Variants in SNTG1 observed in about 807,000 individuals in gnomAD.
SNTG1 encodes the protein syntrophin gamma 1, also known as gamma-1-syntrophin.
In SNTG1, 39 loss-of-function variants were observed where a neutral mutation model predicts 74.7. The observed-to-expected ratio is 0.52, with a 90% CI of 0.40 to 0.68. The LOEUF (loss-of-function observed/expected upper bound fraction) is 0.68, where lower values mean the gene tolerates loss of function less well. Among genes scored for constraint, SNTG1 ranks in the 30% least tolerant of loss-of-function variants. The pLI is 0.00. For missense variants in SNTG1, 685 were observed against 609.5 expected, an observed-to-expected ratio of 1.12 and a Z score of -1.30; for synonymous variants, 254 against 217.1, an observed-to-expected ratio of 1.17 and a Z score of -1.49.
chr8:49,934,425 T>C (rs1807878305), intron 1 of SNTG1, among the ~76,000 whole-genome samples: 1 of 152,116 alleles, frequency 6.6e-6, no homozygotes, highest in African/African-American at 2.4e-5. Context: ...TATAATAGAA[T>C]GGTATTTTCA....
At chr8:50,747,471 G>A (rs188999442) in intron 17 of SNTG1, among the ~76,000 whole-genome samples, 7 of 151,940 alleles carry the variant, frequency 4.6e-5, no homozygotes, top group South Asian at 2.1e-4. Flanking sequence ...AAAAATTGGC[G>A]TATAAAAATT....
chr8:50,079,406 G>T (rs1299289456), intron 1 of SNTG1, among the ~76,000 whole-genome samples: 12 of 139,842 alleles, frequency 8.6e-5, no homozygotes, highest in Non-Finnish European at 1.7e-4. Flanking sequence ...TGATGGGGTT[G>T]TTTGTTTTTT....
intron 1 of SNTG1, among the ~76,000 whole-genome samples, chr8:49,986,270 T>C (rs1813143202): frequency 6.6e-6 from 1 of 152,172 alleles, no homozygotes. Flanking sequence ...TCCACTTTCC[T>C]GATAAAGGAT....
chr8:50,016,815 G>A (rs1252290605), intron 1 of SNTG1, among the ~76,000 whole-genome samples: 1 of 152,040 alleles, frequency 6.6e-6, no homozygotes, highest in Non-Finnish European at 1.5e-5. Context: ...ATTTATTTAA[G>A]AATGTATTCC....
At chr8:50,361,355 T>C (rs1050436045) in intron 2 of SNTG1, among the ~76,000 whole-genome samples, 5 of 152,202 alleles carry the variant, frequency 3.3e-5, no homozygotes, top group African/African-American at 9.7e-5. Flanking sequence ...GAAGCTCTTC[T>C]TGAGGAGGAG....
intron 1 of SNTG1, among the ~76,000 whole-genome samples, chr8:50,160,495 A>C (rs1355863661): frequency 1.3e-5 from 2 of 152,184 alleles, no homozygotes; most frequent in Non-Finnish European, 2.9e-5. Flanking sequence ...ACTTAGAAGC[A>C]TGGACATTCT....
chr8:50,763,890 CACACACACACACACACAA>C (rs767038210), intron 18 of SNTG1, among the ~76,000 whole-genome samples: 3,151 of 118,932 alleles, frequency 0.026, 163 homozygotes, highest in African/African-American at 0.12. Context: ...CACACACACA[CACACACACACACACACAA>C]AAATAACCAA....
At chr8:50,415,499 G>A (rs1481570716) in intron 4 of SNTG1, among the ~76,000 whole-genome samples, 1 of 151,830 alleles carries the variant, frequency 6.6e-6, no homozygotes, top group East Asian at 1.9e-4. Flanking sequence ...AAGATTTTTG[G>A]TTAAAATTTC....
chr8:50,194,831 C>T (rs28784070), intron 2 of SNTG1, among the ~76,000 whole-genome samples: 4,022 of 152,044 alleles, frequency 0.026, 205 homozygotes, highest in African/African-American at 0.09. Flanking sequence ...CTTGGCACCG[C>T]CTTTGCATTA....
intron 2 of SNTG1, among the ~76,000 whole-genome samples, chr8:50,378,051 G>A (rs938435729): frequency 6.6e-6 from 1 of 152,238 alleles, no homozygotes; most frequent in African/African-American, 2.4e-5. Flanking sequence ...CTGGCAGGCT[G>A]TGCTTGGCTC....
chr8:50,678,279 A>G (rs113465705), intron 15 of SNTG1, among the ~76,000 whole-genome samples: 153 of 152,192 alleles, frequency 1.0e-3, no homozygotes, highest in African/African-American at 3.5e-3. Context: ...CATATTTTAA[A>G]TAATTGAATT....
intron 4 of SNTG1, among the ~76,000 whole-genome samples, chr8:50,407,462 A>G (rs1055808991): frequency 5.9e-5 from 9 of 152,138 alleles, no homozygotes; most frequent in African/African-American, 2.2e-4. Context: ...ATGAAGCTCC[A>G]CTCTGCTGAA....
intron 1 of SNTG1, among the ~76,000 whole-genome samples, chr8:50,108,372 A>C (rs942175375): frequency 6.6e-6 from 1 of 152,186 alleles, no homozygotes; most frequent in Admixed American, 6.6e-5. Flanking sequence ...AGGCAGGTCA[A>C]AGGTTGATGT....
At chr8:50,423,869 C>T (rs1056916591) in intron 4 of SNTG1, among the ~76,000 whole-genome samples, 19 of 152,140 alleles carry the variant, frequency 1.2e-4, no homozygotes, top group African/African-American at 4.1e-4. Context: ...TGCCTGACAT[C>T]GCGTTAGGGA....
chr8:50,548,234 G>A (rs978712084), intron 11 of SNTG1, among the ~76,000 whole-genome samples: 2 of 152,196 alleles, frequency 1.3e-5, no homozygotes, highest in African/African-American at 2.4e-5. Flanking sequence ...ACAGTGACAG[G>A]AAATTCTAAA....
chr8:49,961,878 A>C (rs1044453414), intron 1 of SNTG1, among the ~76,000 whole-genome samples: 4 of 152,324 alleles, frequency 2.6e-5, no homozygotes, highest in Non-Finnish European at 5.9e-5. Context: ...AGTACTATCA[A>C]GTCACCTCTT....
At chr8:50,538,382 C>T (rs979802871) in intron 11 of SNTG1, among the ~76,000 whole-genome samples, 1 of 152,018 alleles carries the variant, frequency 6.6e-6, no homozygotes, top group South Asian at 2.1e-4. Flanking sequence ...CTTCTTTTAC[C>T]GCTTCCTTTC....
intron 15 of SNTG1, among the ~76,000 whole-genome samples, chr8:50,677,740 T>C (rs1487606838): frequency 6.6e-6 from 1 of 151,990 alleles, no homozygotes. Context: ...GAAGCCTTCA[T>C]CCACTAAGAA....
intron 1 of SNTG1, among the ~76,000 whole-genome samples, chr8:50,139,202 A>C (rs890744086): frequency 6.6e-6 from 1 of 152,200 alleles, no homozygotes; most frequent in South Asian, 2.1e-4. Flanking sequence ...GGCATATAGC[A>C]GGGGAAATTA....
Sources: allele counts gnomAD v4.1 joint callset (sites outside exome capture counted in the v4.1 genomes callset), GRCh38; gene constraint gnomAD v4.1.1; transcripts MANE v1.5; gene names NCBI Gene and HGNC (gene_info 2026-07-23, HGNC 2026-07-21).